Variants in TTYH3 observed in about 807,000 individuals in gnomAD.
TTYH3 encodes the protein tweety family member 3.
TTYH3 carries 23 observed loss-of-function variants against 68.2 expected under a neutral mutation model. That is an observed-to-expected ratio of 0.34 (90% CI 0.24 to 0.48). The LOEUF is 0.48. TTYH3 is among the 20% of genes least tolerant of loss of function. The pLI is 0.99. For synonymous variants in TTYH3, 360 were observed against 332.8 expected (o/e 1.08, Z -0.89); for missense variants, 768 against 727.7 (o/e 1.06, Z -0.64).
In TTYH3 at chr7:2,656,072, C is replaced by A. The variant is rs1238376880; in HGVS notation, c.1021-20C>A. The A allele has an allele frequency of 2.0e-6, 3 of 1,524,166 alleles. No homozygotes were observed. Among genetic ancestry groups the A allele is most frequent in the Non-Finnish European group, 2.7e-6 (3 of 1,125,594 alleles). 94.4% of individuals were successfully genotyped at this position (1,524,166 alleles called of 1,614,324 possible). A position where few individuals can be genotyped will look rare whatever the true frequency, so the allele number is the denominator to read the frequency against. On this transcript the variant is annotated intron_variant, in intron 9 of 13. Transcript: ENST00000258796. Reference sequence around the variant, plus strand: ...CCCGTCCAAATGAAGTGCTGACCATCTGCGGTGCGTGCCCCCCAGGACCCC... The same window carrying A: ...CCCGTCCAAATGAAGTGCTGACCATATGCGGTGCGTGCCCCCCAGGACCCC...
At chr7:2,644,191 G>A (rs1785924871) in intron 1 of TTYH3, among the ~76,000 whole-genome samples, 1 of 152,174 alleles carries the variant, frequency 6.6e-6, no homozygotes, top group South Asian at 2.1e-4. Flanking sequence ...ATGGTCAGCT[G>A]CCCCTACAGG....
At position 2,652,182 on chromosome 7, in the gene TTYH3, C is replaced by G. The variant is rs143865218; in HGVS notation, c.872-5C>G. On this transcript the variant is annotated splice_polypyrimidine_tract_variant and splice_region_variant and intron_variant, in intron 7 of 13. Transcript: ENST00000258796. ...AGCTCAGCCTTCCCTGATGTCTCTC[C>G]GCAGACATCCTGCAGTACTACCTGG... 6.2e-7 allele frequency: 1 copy of G among 1,613,166 alleles called. No individual in the cohort carries two copies. The highest frequency in any genetic ancestry group is 1.7e-5 in the Admixed American group (1 of 60,030).
rs1562713267 is a variant in TTYH3, at chr7:2,647,977, CCTG to C, written c.655_657del (p.Leu219del). The C allele has an allele frequency of 2.5e-6, 4 of 1,609,522 alleles. No homozygotes were observed. ...CCTGCAGGTGGCTGGGCTACCTGGG[CCTG>C]CTGCTGCTGGACGTCATCATCTGCC... On this transcript the variant is annotated inframe_deletion, in exon 5 of 14. Transcript: ENST00000258796.
At chr7:2,646,578 G>C (rs2114984710) in intron 1 of TTYH3, among the ~76,000 whole-genome samples, 1 of 152,354 alleles carries the variant, frequency 6.6e-6, no homozygotes, top group Non-Finnish European at 1.5e-5. Flanking sequence ...GGTTCACCCG[G>C]CCCCTCCTAG....
intron 6 of TTYH3, 44 bp from the exon 7 acceptor site, chr7:2,649,869 G>A (rs753543133): frequency 3.5e-5 from 56 of 1,609,290 alleles, no homozygotes; most frequent in Non-Finnish European, 4.7e-5. Flanking sequence ...TTCCCTTTAG[G>A]CCCAGCTTGG....
At chr7:2,636,975 G>A (rs1424981076) in intron 1 of TTYH3, among the ~76,000 whole-genome samples, 2 of 152,036 alleles carry the variant, frequency 1.3e-5, no homozygotes, top group African/African-American at 4.8e-5. Context: ...CCCTCTAGAA[G>A]TCCCCGAGGT....
At position 2,662,198 on chromosome 7, in the gene TTYH3, G is replaced by A. The variant is rs113373873; in HGVS notation, c.*459G>A. The A allele has an allele frequency of 5.8e-5, 16 of 277,248 alleles. No individual in the cohort carries two copies. The highest frequency in any genetic ancestry group is 5.6e-5 in the Non-Finnish European group (8 of 143,778). 17.2% of individuals were successfully genotyped at this position (277,248 alleles called of 1,614,324 possible). ...GCTGGCCACTGAGGGACAGGGACACGTGCCACCTGCTCATCTCTGCCCTGA... is the reference window on the plus strand; with the variant it reads ...GCTGGCCACTGAGGGACAGGGACACATGCCACCTGCTCATCTCTGCCCTGA... On this transcript the variant is annotated 3_prime_UTR_variant, in exon 14 of 14. Coordinates refer to ENST00000258796, the MANE Select transcript of TTYH3 (RefSeq NM_025250.3).
At chr7:2,639,930 C>A (rs540302332) in intron 1 of TTYH3, among the ~76,000 whole-genome samples, 1 of 152,306 alleles carries the variant, frequency 6.6e-6, no homozygotes, top group South Asian at 2.1e-4. Context: ...GTGGCTGCAC[C>A]CCTGGGGCTC....
rs1386304689 is a variant in TTYH3 at position 2,632,029 on chromosome 7, G to GGGCCC, written c.-126_-122dup. 6.6e-4 allele frequency: 555 copies of GGGCCC among 838,402 alleles called. No individual in the cohort carries two copies. Among genetic ancestry groups the GGGCCC allele is most frequent in the Admixed American group, 2.3e-3 (44 of 19,092 alleles). 51.9% of individuals were successfully genotyped at this position (838,402 alleles called of 1,614,324 possible). A position where few individuals can be genotyped will look rare whatever the true frequency, so the allele number is the denominator to read the frequency against. On this transcript the variant is annotated 5_prime_UTR_variant, in exon 1 of 14. Transcript: ENST00000258796. Reference sequence around the variant, plus strand: ...GAGCCGGGCCGAGCCGGGCCGGGCCGGGCCCAGGAGCGCGCGGATGATGCG... The same window carrying GGGCCC: ...GAGCCGGGCCGAGCCGGGCCGGGCCGGGCCCGGCCCAGGAGCGCGCGGATGATGCG...
chr7:2,658,101 C>T, intron 11 of TTYH3, among the ~76,000 whole-genome samples, 185 bp from the exon 12 acceptor site: 1 of 152,252 alleles, frequency 6.6e-6, no homozygotes, highest in East Asian at 1.9e-4. Context: ...TAGCACCCCA[C>T]CTCGCAAGGG....
chr7:2,651,576 G>A (rs976149119), intron 7 of TTYH3, among the ~76,000 whole-genome samples: 2 of 152,148 alleles, frequency 1.3e-5, no homozygotes, highest in African/African-American at 2.4e-5. Flanking sequence ...CCCCCTACAC[G>A]TGTACATGTA....
At chr7:2,653,218 T>A (rs1422073366) in intron 9 of TTYH3, among the ~76,000 whole-genome samples, 1 of 152,138 alleles carries the variant, frequency 6.6e-6, no homozygotes, top group Non-Finnish European at 1.5e-5. Flanking sequence ...TTCCTCCCCT[T>A]CCTCCCTCCT....
chr7:2,655,265 C>T (rs977759788), intron 9 of TTYH3, among the ~76,000 whole-genome samples: 2 of 152,168 alleles, frequency 1.3e-5, no homozygotes, highest in Non-Finnish European at 2.9e-5. Context: ...TCTGCCTCAG[C>T]CTCCTGAGTA....
chr7:2,643,683 T>G (rs536590562), intron 1 of TTYH3, among the ~76,000 whole-genome samples: 53 of 152,340 alleles, frequency 3.5e-4, no homozygotes, highest in African/African-American at 1.3e-3. Context: ...CTCCGTTTTC[T>G]CATCTGGCAA....
In TTYH3 at chr7:2,656,127, C is replaced by T; in HGVS notation, c.1056C>T (p.Gly352=). ...TCCGCGTCCAGGAGGTGCTGAATGG[C>T]ACGGAGGTGAACCTGCAGCACCTCA... The part of the protein sequence containing the change: ...PLLRVQEVLN[G]TEVNLQHLTA... The change falls in exon 10 of 14, where the codon GGC becomes GGT. Residue 352 remains glycine (G), a synonymous_variant. Transcript: ENST00000258796. The T allele has an allele frequency of 6.4e-7, 1 of 1,568,192 alleles. No homozygotes were observed. Among genetic ancestry groups the T allele is most frequent in the South Asian group, 1.2e-5 (1 of 85,100 alleles).
At chr7:2,660,044 C>T in intron 13 of TTYH3, 3 of 1,160,654 alleles carry the variant, frequency 2.6e-6, no homozygotes, top group Non-Finnish European at 3.2e-6. Context: ...GCGACAGGTA[C>T]TGACCCACCG....
intron 1 of TTYH3, among the ~76,000 whole-genome samples, chr7:2,646,261 C>T (rs923784724): frequency 8.5e-5 from 13 of 152,292 alleles, no homozygotes; most frequent in Admixed American, 3.3e-4. Context: ...GTGATCCGCC[C>T]GCCTCGGCCT....
chr7:2,655,559 C>T (rs1215355035), intron 9 of TTYH3, among the ~76,000 whole-genome samples: 1 of 152,244 alleles, frequency 6.6e-6, no homozygotes, highest in African/African-American at 2.4e-5. Context: ...TGTTTCTGTG[C>T]AGCCGTTTCT....
At chr7:2,646,712 T>C in intron 1 of TTYH3, 141 bp from the exon 2 acceptor site, 1 of 916,714 alleles carries the variant, frequency 1.1e-6, no homozygotes, top group Non-Finnish European at 1.6e-6. Flanking sequence ...ATGCCTCACC[T>C]ACAAGTCGGG....
Sources: gnomAD v4.1 joint callset for allele counts (sites outside exome capture counted in the v4.1 genomes callset) on GRCh38, gnomAD v4.1.1 for gene constraint, MANE v1.5 for transcripts, NCBI Gene and HGNC (gene_info 2026-07-23, HGNC 2026-07-21) for gene names.